The following CRTAC1 variants were observed in gnomAD, a reference collection of about 807,000 sequenced individuals.
CRTAC1 encodes acidic secreted protein in cartilage.
In CRTAC1, 37 loss-of-function variants were observed where a neutral mutation model predicts 67.8. That is an observed-to-expected ratio of 0.55 (90% CI 0.42 to 0.72). CRTAC1 has a LOEUF of 0.72. CRTAC1 is among the 30% of genes least tolerant of loss of function. CRTAC1 has a pLI of 0.00. For synonymous variants in CRTAC1, 348 were observed against 371.0 expected, an observed-to-expected ratio of 0.94 and a Z score of 0.71; for missense variants, 780 against 931.6, an observed-to-expected ratio of 0.84 and a Z score of 2.12.
intron 14 of CRTAC1, among the ~76,000 whole-genome samples, chr10:97,876,905 G>T (rs1420225222): frequency 1.6e-5 from 2 of 127,076 alleles, no homozygotes; most frequent in African/African-American, 5.7e-5. Flanking sequence ...TGAGGCACCT[G>T]TTCAAAAAGC....
chr10:97,907,133 G>A (rs146987269), intron 6 of CRTAC1, among the ~76,000 whole-genome samples: 2 of 152,226 alleles, frequency 1.3e-5, no homozygotes, highest in African/African-American at 4.8e-5. Context: ...GGGCACTGGA[G>A]GCCAAGCCTT....
chr10:97,905,963 C>T (rs758750513), intron 6 of CRTAC1, among the ~76,000 whole-genome samples: 5 of 152,260 alleles, frequency 3.3e-5, no homozygotes, highest in Admixed American at 6.5e-5. Context: ...GAGGTGAATG[C>T]GACTCTAAGC....
chr10:97,907,734 G>A (rs921892870), intron 6 of CRTAC1, among the ~76,000 whole-genome samples: 3 of 152,150 alleles, frequency 2.0e-5, no homozygotes, highest in Non-Finnish European at 2.9e-5. Context: ...ACACAAGCAG[G>A]ACTTGGAGGG....
At chr10:97,997,185 T>C (rs1298813805) in intron 2 of CRTAC1, among the ~76,000 whole-genome samples, 1 of 148,282 alleles carries the variant, frequency 6.7e-6, no homozygotes, top group Non-Finnish European at 1.5e-5. Flanking sequence ...TGTATACATA[T>C]GTAACTAACC....
rs759101809 is a variant in CRTAC1 at position 97,880,354 on chromosome 10, G to C, written c.1714C>G (p.Arg572Gly). ...GTGTTGACACATACGGGCTTGTCTC[G>C]AGGGCACACGAATGGGAACTGGATG... ...ECIQFPFVCP[R>G]DKPVCVNTYG... Residue 572 changes from arginine (R) to glycine (G), a missense_variant, in exon 14 of 15, where the codon CGA becomes GGA. Arg to Gly is a moderately radical substitution (Grantham distance 125, BLOSUM62 -2). Transcript: ENST00000370597. 3.7e-6 allele frequency: 6 copies of C among 1,614,020 alleles called. No individual in the cohort carries two copies. The Admixed American group carries it at 6.7e-5, about 18-fold the overall frequency.
chr10:97,905,777 G>T (rs982581514), intron 6 of CRTAC1, among the ~76,000 whole-genome samples: 2 of 152,188 alleles, frequency 1.3e-5, no homozygotes, highest in African/African-American at 2.4e-5. Flanking sequence ...CTACAGCCAC[G>T]ACAGAGAAGC....
In CRTAC1 at chr10:97,973,250, C is replaced by A. The variant is rs534874777; in HGVS notation, c.225-36884G>T. 1.6e-4 allele frequency among the ~76,000 whole-genome samples: 24 copies of A among 152,300 alleles called. No homozygotes were observed. In the South Asian group the frequency reaches 4.1e-3, roughly 26 times the overall value. On this transcript the variant is annotated intron_variant, in intron 2 of 14. Transcript: ENST00000370597. ...ACAGGACAAAGCACAAACTCCCCAGCCACTGTGCCCTCTGAGGCCGGCTTC... is the reference window on the plus strand; with the variant it reads ...ACAGGACAAAGCACAAACTCCCCAGACACTGTGCCCTCTGAGGCCGGCTTC...
intron 5 of CRTAC1, among the ~76,000 whole-genome samples, chr10:97,912,599 C>T (rs948741904): frequency 3.3e-5 from 5 of 152,136 alleles, no homozygotes; most frequent in African/African-American, 9.7e-5. Context: ...CCCTCAGGGA[C>T]TGGGGGGTGA....
chr10:97,987,139 C>G (rs2051995680), intron 2 of CRTAC1, among the ~76,000 whole-genome samples: 1 of 152,186 alleles, frequency 6.6e-6, no homozygotes, highest in East Asian at 1.9e-4. Flanking sequence ...CACATGCACA[C>G]ACAAATACAA....
Position 97,954,635 on chromosome 10 carries a change from G to A in CRTAC1, c.225-18269C>T, listed in dbSNP as rs540654783. 3.3e-5 allele frequency among the ~76,000 whole-genome samples: 5 copies of A among 152,236 alleles called. 1 individual carries two copies. Among genetic ancestry groups the A allele is most frequent in the Middle Eastern group, 6.8e-3 (2 of 294 alleles). On this transcript the variant is annotated intron_variant, in intron 2 of 14. Transcript: ENST00000370597. ...GTGTGAAATAATTCCCATATATAGC[G>A]CATGAGCTGGGGCCATGTCGGGGCA...
chr10:97,926,537 T>C (rs1415208813), intron 3 of CRTAC1, among the ~76,000 whole-genome samples: 1 of 152,032 alleles, frequency 6.6e-6, no homozygotes, highest in Non-Finnish European at 1.5e-5. Flanking sequence ...AGTGCACACA[T>C]AACACCCCCA....
At chr10:97,930,997 A>G (rs953282847) in intron 3 of CRTAC1, among the ~76,000 whole-genome samples, 5 of 152,208 alleles carry the variant, frequency 3.3e-5, no homozygotes, top group Non-Finnish European at 5.9e-5. Flanking sequence ...TCCCTAATTT[A>G]TAAAGAGCTG....
chr10:97,885,752 C>T (rs1264533872), intron 11 of CRTAC1, among the ~76,000 whole-genome samples: 1 of 152,176 alleles, frequency 6.6e-6, no homozygotes, highest in Non-Finnish European at 1.5e-5. Flanking sequence ...ACACAGCCCA[C>T]TCTATCACCC....
chr10:98,015,161 A>AT (rs1842972061), intron 1 of CRTAC1, among the ~76,000 whole-genome samples: 1 of 152,234 alleles, frequency 6.6e-6, no homozygotes, highest in Non-Finnish European at 1.5e-5. Flanking sequence ...GAAAAAATAA[A>AT]AAATAAATAA....
intron 2 of CRTAC1, among the ~76,000 whole-genome samples, chr10:97,993,535 C>A (rs543772506): frequency 6.6e-6 from 1 of 152,242 alleles, no homozygotes; most frequent in African/African-American, 2.4e-5. Flanking sequence ...TTGTATCTTC[C>A]AAAGTGCTGA....
rs769852925 is a variant in CRTAC1 at position 97,919,771 on chromosome 10, C to CTTTTT, written c.559-2120_559-2116dup. On this transcript the variant is annotated intron_variant, in intron 4 of 14. Transcript: ENST00000370597. ...GAGATGCACTGCTTTACAGTACAGC[C>CTTTTT]TTTTTTTTTTTTTTTAAGACAGGGT... 6.6e-5 allele frequency among the ~76,000 whole-genome samples: 7 copies of CTTTTT among 106,324 alleles called. 1 individual carries two copies. Among genetic ancestry groups the CTTTTT allele is most frequent in the African/African-American group, 1.8e-4 (5 of 27,668 alleles). 69.8% of individuals were successfully genotyped at this position (106,324 alleles called of 152,430 possible).
intron 8 of CRTAC1, 52 bp from the exon 9 acceptor site, chr10:97,897,043 C>A (rs1300487285): frequency 2.9e-5 from 39 of 1,331,908 alleles, no homozygotes; most frequent in Non-Finnish European, 3.9e-5. Flanking sequence ...GGCCGCTGGA[C>A]CAGAAGGCCC....
At chr10:97,980,677 A>G (rs981976871) in intron 2 of CRTAC1, among the ~76,000 whole-genome samples, 2 of 152,204 alleles carry the variant, frequency 1.3e-5, no homozygotes, top group Non-Finnish European at 1.5e-5. Flanking sequence ...TCACACTGAC[A>G]TGAACTTAGA....
intron 2 of CRTAC1, among the ~76,000 whole-genome samples, chr10:97,979,201 G>T (rs763513261): frequency 1.6e-4 from 24 of 152,174 alleles, no homozygotes; most frequent in South Asian, 4.2e-4. Flanking sequence ...TGGCTTTTGA[G>T]TTCCGTGATA....
Sources: allele counts gnomAD v4.1 joint callset (sites outside exome capture counted in the v4.1 genomes callset), GRCh38; gene constraint gnomAD v4.1.1; transcripts MANE v1.5; gene names NCBI Gene and HGNC (gene_info 2026-07-23, HGNC 2026-07-21).